The following POMK variants were observed in gnomAD, a reference collection of about 807,000 sequenced individuals.
POMK encodes the protein protein O-mannose kinase.
A neutral mutation model predicts 23.0 loss-of-function variants in POMK; 19 were observed. That is an observed-to-expected ratio of 0.83 (90% CI 0.58 to 1.21). The LOEUF (loss-of-function observed/expected upper bound fraction) is 1.21. Among genes scored for constraint, POMK ranks in the 50% most tolerant of loss-of-function variants. POMK has a pLI of 0.00. For missense variants in POMK, 410 were observed against 431.3 expected (o/e 0.95, Z 0.44); for synonymous variants, 173 against 171.6 (o/e 1.01, Z -0.06).
At chr8:43,115,163 A>C (rs1046422183) in intron 4 of POMK, among the ~76,000 whole-genome samples, 5 of 152,212 alleles carry the variant, frequency 3.3e-5, no homozygotes, top group African/African-American at 1.2e-4. Flanking sequence ...TTACATGAAC[A>C]GTCTGTTTAA....
rs140507302 is a variant in POMK, at chr8:43,119,720, C to T, written c.283-2387C>T. Among the ~76,000 whole-genome samples, 59 of 152,056 alleles carry T rather than the reference C, an allele frequency of 3.9e-4. No homozygotes were observed. In the East Asian group the frequency reaches 0.01, roughly 26 times the overall value. ...TGCTGGGATTACAGGCGTGAGCCAC[C>T]GCGTCCGGCCCAAAAACAGCTTTTT... On this transcript the variant is annotated intron_variant, in intron 4 of 4. Transcript: ENST00000331373.
chr8:43,098,188 CA>C (rs1811372631), intron 2 of POMK, among the ~76,000 whole-genome samples: 1 of 152,174 alleles, frequency 6.6e-6, no homozygotes, highest in African/African-American at 2.4e-5. Context: ...TGATATTTAG[CA>C]TATTTACAAG....
At chr8:43,113,140 G>A (rs568619112) in intron 4 of POMK, among the ~76,000 whole-genome samples, 6 of 152,282 alleles carry the variant, frequency 3.9e-5, no homozygotes, top group South Asian at 4.1e-4. Flanking sequence ...TGTATTTCCT[G>A]AATCTGAAAG....
Position 43,103,515 on chromosome 8 carries a change from T to C in POMK, c.-21-13T>C. ...CTGACTGTCATGACTTCTTGTTTCA[T>C]TGTGTATTTTAGGAAATTGCAGAGG... On this transcript the variant is annotated splice_polypyrimidine_tract_variant and intron_variant, in intron 3 of 4. Transcript: ENST00000331373. The C allele has an allele frequency of 6.2e-7, 1 of 1,609,750 alleles. No homozygotes were observed.
In POMK at chr8:43,122,802, C is replaced by T. The variant is rs377648307; in HGVS notation, c.978C>T (p.Asp326=). The change falls in exon 5 of 5, where the codon GAC becomes GAT. Residue 326 remains aspartate (D), a synonymous_variant. Coordinates refer to ENST00000331373, the MANE Select transcript of POMK (RefSeq NM_032237.5). ...QTPSERPTAQ[D]VLETYQKVLD... is the part of the protein sequence containing the mutation. ...CCTCAGAAAGACCCACTGCCCAGGA[C>T]GTTCTGGAGACCTACCAGAAGGTCT... is the stretch of plus-strand genomic sequence containing the variant. The T allele has an allele frequency of 2.8e-5, 45 of 1,613,994 alleles. 1 individual carries two copies. Among genetic ancestry groups the T allele is most frequent in the African/African-American group, 2.3e-4 (17 of 74,924 alleles).
intron 4 of POMK, among the ~76,000 whole-genome samples, chr8:43,107,880 A>G (rs1377811203): frequency 6.6e-6 from 1 of 151,836 alleles, no homozygotes; most frequent in Non-Finnish European, 1.5e-5. Flanking sequence ...ACGGGGTTTC[A>G]CTGTGTTGCC....
intron 4 of POMK, among the ~76,000 whole-genome samples, chr8:43,107,954 A>G (rs1563338396): frequency 6.6e-6 from 1 of 152,220 alleles, no homozygotes; most frequent in Non-Finnish European, 1.5e-5. Flanking sequence ...AAGTACTAGG[A>G]TTACAGGCAT....
chr8:43,107,121 A>G (rs1026992482), intron 4 of POMK, among the ~76,000 whole-genome samples: 4 of 152,144 alleles, frequency 2.6e-5, no homozygotes, highest in Non-Finnish European at 5.9e-5. Flanking sequence ...TAGGATAAGG[A>G]GTGCAATTTC....
chr8:43,100,531 C>T (rs1298525111), intron 2 of POMK, among the ~76,000 whole-genome samples: 1 of 151,222 alleles, frequency 6.6e-6, no homozygotes, highest in Non-Finnish European at 1.5e-5. Context: ...CTGTGGGGGC[C>T]TGCAGGGTAG....
chr8:43,103,304 T>A (rs1487660966), intron 3 of POMK, among the ~76,000 whole-genome samples: 1 of 152,102 alleles, frequency 6.6e-6, no homozygotes, highest in African/African-American at 2.4e-5. Context: ...CCTAACCTAA[T>A]CTAGAGGAAC....
At chr8:43,116,713 TAAC>T (rs980459390) in intron 4 of POMK, among the ~76,000 whole-genome samples, 2 of 152,198 alleles carry the variant, frequency 1.3e-5, no homozygotes, top group African/African-American at 4.8e-5. Flanking sequence ...CTTAAAAACT[TAAC>T]AACTAAAAGC....
At chr8:43,107,299 C>T (rs1432386665) in intron 4 of POMK, among the ~76,000 whole-genome samples, 4 of 152,056 alleles carry the variant, frequency 2.6e-5, no homozygotes, top group South Asian at 2.1e-4. Flanking sequence ...AAACAAATCA[C>T]GATAGGACTG....
At position 43,103,737 on chromosome 8, in the gene POMK, A is replaced by T; in HGVS notation, c.189A>T (p.Gly63=). 1 of 1,614,234 alleles carries T rather than the reference A, an allele frequency of 6.2e-7. No individual in the cohort carries two copies. Among genetic ancestry groups the T allele is most frequent in the Non-Finnish European group, 8.5e-7 (1 of 1,180,022 alleles). Residue 63 remains glycine (G), a synonymous_variant, in exon 4 of 5, where the codon GGA becomes GGT. Transcript: ENST00000331373. ...GTCCCTATGGTCACTTCAGGATAGGACAGATGAAAAACTGCTCACCTTGGC... is the reference window on the plus strand; with the variant it reads ...GTCCCTATGGTCACTTCAGGATAGGTCAGATGAAAAACTGCTCACCTTGGC... The part of the protein sequence containing the change: ...THCPYGHFRI[G]QMKNCSPWLS...
chr8:43,100,984 G>A (rs183226606), intron 2 of POMK, among the ~76,000 whole-genome samples: 75 of 152,242 alleles, frequency 4.9e-4, no homozygotes, highest in Non-Finnish European at 9.6e-4. Flanking sequence ...ATTGCTGGGA[G>A]AGTCAGCAGT....
chr8:43,104,897 A>G (rs1811516481), intron 4 of POMK, among the ~76,000 whole-genome samples: 1 of 152,136 alleles, frequency 6.6e-6, no homozygotes, highest in African/African-American at 2.4e-5. Context: ...TTGCCACTGC[A>G]TTCCAGACTG....
At chr8:43,095,324 A>G (rs1811312745) in intron 1 of POMK, among the ~76,000 whole-genome samples, 1 of 152,192 alleles carries the variant, frequency 6.6e-6, no homozygotes. Context: ...ACAGTGTATA[A>G]AAGTCAAATG....
rs576766955 is a variant in POMK at position 43,094,432 on chromosome 8, C to CT, written c.-210+872dup. 2.5e-3 allele frequency among the ~76,000 whole-genome samples: 382 copies of CT among 152,324 alleles called. 2 individuals are homozygous for CT. The highest frequency in any genetic ancestry group is 0.011 in the South Asian group (52 of 4,826). On this transcript the variant is annotated intron_variant, in intron 1 of 4. Transcript: ENST00000331373. ...AAGGACCGAGGACTCTGTCTCAGCT[C>CT]TTTGCCTTTGGGTGTTTATTCTGCA...
chr8:43,116,054 C>T (rs1012151347), intron 4 of POMK, among the ~76,000 whole-genome samples: 4 of 152,230 alleles, frequency 2.6e-5, no homozygotes, highest in Non-Finnish European at 5.9e-5. Context: ...CCTTCAACCC[C>T]GTTTAAAATT....
At chr8:43,102,081 T>C (rs1811455764) in intron 2 of POMK, among the ~76,000 whole-genome samples, 1 of 152,208 alleles carries the variant, frequency 6.6e-6, no homozygotes. Context: ...TTACTCTCTA[T>C]CTTTGAACCC....
Sources: allele counts gnomAD v4.1 joint callset (sites outside exome capture counted in the v4.1 genomes callset), GRCh38; gene constraint gnomAD v4.1.1; transcripts MANE v1.5; gene names NCBI Gene and HGNC (gene_info 2026-07-23, HGNC 2026-07-21).